Variants in KAT2B observed in about 807,000 individuals in gnomAD.
The protein encoded by KAT2B is histone acetyltransferase KAT2B.
Under a neutral mutation model 105.9 loss-of-function variants are expected in KAT2B, and 36 were observed. The observed-to-expected ratio is 0.34, with a 90% CI of 0.26 to 0.45. The LOEUF (loss-of-function observed/expected upper bound fraction) is 0.45, where lower values mean the gene tolerates loss of function less well. Ranked by LOEUF, KAT2B falls within the 20% of genes least tolerant of loss-of-function variation. The pLI is 1.00. For missense variants in KAT2B, 820 were observed against 1,021.6 expected, an observed-to-expected ratio of 0.80 and a Z score of 2.69; for synonymous variants, 397 against 377.9, an observed-to-expected ratio of 1.05 and a Z score of -0.59.
intron 1 of KAT2B, among the ~76,000 whole-genome samples, chr3:20,058,166 T>C (rs2948088): frequency 0.065 from 9,836 of 152,192 alleles, 341 homozygotes; most frequent in Non-Finnish European, 0.076. Context: ...ACTCATAAAT[T>C]AAGGTATTCA....
intron 1 of KAT2B, among the ~76,000 whole-genome samples, chr3:20,069,591 T>A (rs1698283505): frequency 6.6e-6 from 1 of 150,574 alleles, no homozygotes; most frequent in Non-Finnish European, 1.5e-5. Context: ...AATGGCGCAA[T>A]CTCAGCTCAC....
chr3:20,040,483 C>T lies in KAT2B; in HGVS notation c.6C>T (p.Ser2=). 1.9e-6 allele frequency: 2 copies of T among 1,054,002 alleles called. No homozygotes were observed. Among genetic ancestry groups the T allele is most frequent in the Non-Finnish European group, 1.1e-6 (1 of 876,306 alleles). 65.3% of individuals were successfully genotyped at this position (1,054,002 alleles called of 1,614,324 possible). The part of the protein sequence containing the change: M[S]EAGGAGPGGC... ...CTGCCGTGCTCCGGGGCGGCATGTC[C>T]GAGGCTGGCGGGGCCGGGCCGGGCG... Residue 2 remains serine, a synonymous_variant, in exon 1 of 18, where the codon TCC becomes TCT. Transcript: ENST00000263754.
At chr3:20,131,336 T>C (rs1252834207) in intron 11 of KAT2B, among the ~76,000 whole-genome samples, 1 of 151,996 alleles carries the variant, frequency 6.6e-6, no homozygotes, top group Non-Finnish European at 1.5e-5. Flanking sequence ...CTTTTTACTG[T>C]CCTGTGTCAT....
chr3:20,111,822 C>G (rs775504963), intron 6 of KAT2B, 35 bp downstream of exon 6: 1 of 1,555,892 alleles, frequency 6.4e-7, no homozygotes, highest in Non-Finnish European at 8.8e-7. Context: ...TTGTTTGATC[C>G]CAGAGCTTGA....
chr3:20,058,474 A>G (rs943742852), intron 1 of KAT2B, among the ~76,000 whole-genome samples: 2 of 151,236 alleles, frequency 1.3e-5, no homozygotes, highest in Non-Finnish European at 2.9e-5. Flanking sequence ...AAAAAAAAAA[A>G]AGGTTTTCAG....
At chr3:20,117,288 G>A (rs575677897) in intron 7 of KAT2B, among the ~76,000 whole-genome samples, 2 of 152,296 alleles carry the variant, frequency 1.3e-5, no homozygotes, top group Admixed American at 6.5e-5. Flanking sequence ...ATTACCTGAA[G>A]CCATCAGAAG....
rs1359670124 is a variant in KAT2B, at chr3:20,062,131, TAA to T, written c.304-10199_304-10198del. Among the ~76,000 whole-genome samples the T allele has an allele frequency of 2.3e-4, 17 of 75,250 alleles. 1 individual carries two copies. Among genetic ancestry groups the T allele is most frequent in the African/African-American group, 1.1e-3 (16 of 14,542 alleles). The allele number at this position is 75,250 out of a possible 152,430, so 49.4% of individuals were successfully genotyped here. A position where few individuals can be genotyped will look rare whatever the true frequency, so the allele number is the denominator to read the frequency against. Reference sequence around the variant, plus strand: ...ATATATTATATAAAACATATATATATAAAATATATAATATATAAAAATATATA... The same window carrying T: ...ATATATTATATAAAACATATATATATAATATATAATATATAAAAATATATA... On this transcript the variant is annotated intron_variant, in intron 1 of 17. Coordinates refer to ENST00000263754, the MANE Select transcript of KAT2B (RefSeq NM_003884.5).
intron 7 of KAT2B, among the ~76,000 whole-genome samples, chr3:20,117,619 G>T (rs1214908939): frequency 6.6e-6 from 1 of 152,118 alleles, no homozygotes; most frequent in African/African-American, 2.4e-5. Context: ...GCTATGGGTT[G>T]GTATCTCTCT....
At chr3:20,144,268 T>A (rs1286159412) in intron 13 of KAT2B, among the ~76,000 whole-genome samples, 5 of 146,740 alleles carry the variant, frequency 3.4e-5, no homozygotes, top group African/African-American at 1.3e-4. Flanking sequence ...GAGATTGCCC[T>A]TGGGATTCTT....
chr3:20,120,213 C>CT lies in KAT2B; in HGVS notation c.1276+501dup, dbSNP rs10709834. The stretch of plus-strand genomic sequence containing the variant: ...TGTAAACCATCACTTCTGCCACATT[C>CT]TTTTTTTTTTTCCTTTTCTTTTCTT... On this transcript the variant is annotated intron_variant, in intron 8 of 17. Transcript: ENST00000263754. 1.7e-3 allele frequency among the ~76,000 whole-genome samples: 250 copies of CT among 148,054 alleles called. 1 individual carries two copies. Among genetic ancestry groups the CT allele is most frequent in the African/African-American group, 4.6e-3 (186 of 40,498 alleles).
chr3:20,070,899 C>T (rs1216592773), intron 1 of KAT2B, among the ~76,000 whole-genome samples: 1 of 151,468 alleles, frequency 6.6e-6, no homozygotes, highest in Non-Finnish European at 1.5e-5. Context: ...ACCCCAGCTA[C>T]TCAGGAGGCT....
At chr3:20,106,961 GTATATATATATATATA>G (rs60656536) in intron 5 of KAT2B, among the ~76,000 whole-genome samples, 21,178 of 70,574 alleles carry the variant, frequency 0.3, 3,806 homozygotes, top group East Asian at 0.54. Flanking sequence ...AATTTTATGT[GTATATATATATATATA>G]TGTATATATA....
chr3:20,113,608 A>G (rs1699157756), intron 6 of KAT2B, among the ~76,000 whole-genome samples: 1 of 152,154 alleles, frequency 6.6e-6, no homozygotes, highest in Non-Finnish European at 1.5e-5. Context: ...GAATATGACA[A>G]CATTTAAGGC....
intron 1 of KAT2B, among the ~76,000 whole-genome samples, chr3:20,045,949 A>G (rs539639324): frequency 1.2e-3 from 178 of 152,350 alleles, no homozygotes; most frequent in African/African-American, 4.2e-3. Context: ...AAGTCAAGTA[A>G]GAGCAACAGA....
intron 1 of KAT2B, among the ~76,000 whole-genome samples, chr3:20,056,292 TGAAAA>T (rs1698002791): frequency 6.6e-6 from 1 of 152,144 alleles, no homozygotes; most frequent in Non-Finnish European, 1.5e-5. Flanking sequence ...GAGGTGGTGA[TGAAAA>T]GACAGAAATG....
intron 2 of KAT2B, among the ~76,000 whole-genome samples, chr3:20,091,600 T>C (rs939691294): frequency 6.6e-6 from 1 of 152,156 alleles, no homozygotes; most frequent in Non-Finnish European, 1.5e-5. Flanking sequence ...ATTTGAGATC[T>C]TTTTTCTTTT....
intron 2 of KAT2B, among the ~76,000 whole-genome samples, chr3:20,086,825 A>AGGCTGGAGTGCAGTGGCGCAGTCTT (rs11268707): frequency 1.4e-5 from 2 of 148,030 alleles, no homozygotes; most frequent in Admixed American, 6.7e-5. Context: ...GGAGTCTCGC[A>AGGCTGGAGTGCAGTGGCGCAGTCTT]GGCTGGAGTG....
At chr3:20,076,751 G>T (rs765456046) in intron 2 of KAT2B, among the ~76,000 whole-genome samples, 1 of 151,944 alleles carries the variant, frequency 6.6e-6, no homozygotes, top group Admixed American at 6.6e-5. Flanking sequence ...AATTGTTACC[G>T]ACAAAGTACA....
chr3:20,072,608 G>T, intron 2 of KAT2B, 149 bp downstream of exon 2: 1 of 723,788 alleles, frequency 1.4e-6, no homozygotes, highest in South Asian at 1.8e-5. Flanking sequence ...TCACGAGTTT[G>T]CTGGGAAGGG....
Sources: allele counts gnomAD v4.1 joint callset (sites outside exome capture counted in the v4.1 genomes callset), GRCh38; gene constraint gnomAD v4.1.1; transcripts MANE v1.5; gene names NCBI Gene and HGNC (gene_info 2026-07-23, HGNC 2026-07-21).